XXYLT1: variants seen among roughly 807,000 people sequenced by gnomAD.
XXYLT1 encodes xyloside xylosyltransferase 1, also known as UDP-xylose:alpha-xyloside alpha-1,3-xylosyltransferase.
In XXYLT1, 20 loss-of-function variants were observed where a neutral mutation model predicts 28.9. That is an observed-to-expected ratio of 0.69 (90% confidence interval 0.49 to 1.00). XXYLT1 has a LOEUF of 1.00. Among genes scored for constraint, XXYLT1 ranks in the 50% least tolerant of loss-of-function variants. The pLI, the probability that XXYLT1 is intolerant of heterozygous loss-of-function variation, is 0.00. For synonymous variants in XXYLT1, 257 were observed against 253.8 expected (o/e 1.01, Z -0.12); for missense variants, 542 against 560.1 (o/e 0.97, Z 0.33).
At chr3:195,098,191 C>T (rs7631098) in intron 3 of XXYLT1, among the ~76,000 whole-genome samples, 78,879 of 152,002 alleles carry the variant, frequency 0.52, 22,086 homozygotes, top group East Asian at 0.96. Flanking sequence ...TGCACATATA[C>T]GAGAAACGGT....
At chr3:195,110,212 GC>G (rs1717467408) in intron 3 of XXYLT1, among the ~76,000 whole-genome samples, 4 of 7,460 alleles carry the variant, frequency 5.4e-4, no homozygotes, top group Admixed American at 2.1e-3. Context: ...TGTGGTGTGT[GC>G]GTGTGTGGTG....
At chr3:195,201,301 G>C (rs1423684832) in intron 2 of XXYLT1, among the ~76,000 whole-genome samples, 1 of 152,136 alleles carries the variant, frequency 6.6e-6, no homozygotes, top group Admixed American at 6.5e-5. Context: ...AAGGGCCCTT[G>C]CTCCCAGCAA....
intron 3 of XXYLT1, among the ~76,000 whole-genome samples, chr3:195,107,943 C>T (rs1717245055): frequency 6.6e-6 from 1 of 152,148 alleles, no homozygotes; most frequent in Non-Finnish European, 1.5e-5. Context: ...AGGAGGGTCC[C>T]TACACACAAC....
intron 2 of XXYLT1, among the ~76,000 whole-genome samples, chr3:195,181,326 G>A (rs957289374): frequency 2.6e-5 from 4 of 152,200 alleles, no homozygotes; most frequent in Non-Finnish European, 5.9e-5. Context: ...TTTGCCACCA[G>A]GCGTGCCTTT....
At chr3:195,154,673 T>C (rs1720466347) in intron 3 of XXYLT1, among the ~76,000 whole-genome samples, 1 of 152,088 alleles carries the variant, frequency 6.6e-6, no homozygotes, top group Non-Finnish European at 1.5e-5. Context: ...ACCACGCCAA[T>C]GTACAAAACC....
intron 1 of XXYLT1, among the ~76,000 whole-genome samples, chr3:195,231,615 CT>C: frequency 6.6e-6 from 1 of 152,174 alleles, no homozygotes; most frequent in South Asian, 2.1e-4. Context: ...TTATCAAATG[CT>C]TTTTCAGCAT....
rs1577108194 is a variant in XXYLT1, at chr3:195,173,808, C to G, written c.653-17227G>C. ...TGTCCAGGAGAGCACCCAGCTCCCA[C>G]CAGGGAGTCCCTCCTATGGGCCATG... On this transcript the variant is annotated intron_variant, in intron 2 of 3. Transcript: ENST00000310380. The surrounding 1 kb of genome is among the most constrained non-coding windows in gnomAD (Gnocchi z 4.3). 6.6e-6 allele frequency among the ~76,000 whole-genome samples: 1 copy of G among 152,230 alleles called. No individual in the cohort carries two copies. Among genetic ancestry groups the G allele is most frequent in the Non-Finnish European group, 1.5e-5 (1 of 68,030 alleles).
At chr3:195,081,930 C>T (rs773096180) in intron 3 of XXYLT1, among the ~76,000 whole-genome samples, 3 of 152,170 alleles carry the variant, frequency 2.0e-5, no homozygotes, top group East Asian at 1.9e-4. Flanking sequence ...ATGGACGAAT[C>T]GGCCAGAGGA....
intron 2 of XXYLT1, among the ~76,000 whole-genome samples, chr3:195,197,349 G>C (rs1429517923): frequency 6.6e-6 from 1 of 151,296 alleles, no homozygotes. Flanking sequence ...AGGCACAAGA[G>C]TCACTTGAAC....
intron 2 of XXYLT1, among the ~76,000 whole-genome samples, chr3:195,223,783 G>A (rs997237809): frequency 2.0e-5 from 3 of 152,108 alleles, no homozygotes; most frequent in East Asian, 1.9e-4. Flanking sequence ...CTCAAGGACC[G>A]CTCATTTTAT....
intron 3 of XXYLT1, among the ~76,000 whole-genome samples, chr3:195,102,142 C>T (rs1057403493): frequency 4.0e-5 from 6 of 151,830 alleles, no homozygotes; most frequent in African/African-American, 1.5e-4. Flanking sequence ...CTATGTTTTC[C>T]AACAGAATAG....
chr3:195,176,385 G>C lies in XXYLT1; in HGVS notation c.653-19804C>G, dbSNP rs9843957. Among the ~76,000 whole-genome samples the C allele has an allele frequency of 0.038, 5,724 of 152,184 alleles. 349 individuals are homozygous for C. Among genetic ancestry groups the C allele is most frequent in the African/African-American group, 0.13 (5,455 of 41,484 alleles). ...TGGGTAGAGGAGGGGTGTGTAGAATGCTTAAATCCCCTCCCAGTAATTCTG... is the reference window on the plus strand; with the variant it reads ...TGGGTAGAGGAGGGGTGTGTAGAATCCTTAAATCCCCTCCCAGTAATTCTG... On this transcript the variant is annotated intron_variant, in intron 2 of 3. Transcript: ENST00000310380. The surrounding 1 kb of genome is among the most constrained non-coding windows in gnomAD (Gnocchi z 4.9).
intron 3 of XXYLT1, among the ~76,000 whole-genome samples, chr3:195,101,522 T>C (rs56869746): frequency 0.028 from 4,267 of 152,336 alleles, 135 homozygotes; most frequent in East Asian, 0.19. Flanking sequence ...CCCAGGGACA[T>C]TCCTTTTGTA....
intron 3 of XXYLT1, among the ~76,000 whole-genome samples, chr3:195,153,233 C>CAGGTCCCCAG (rs796536969): frequency 6.6e-6 from 1 of 152,230 alleles, no homozygotes; most frequent in Admixed American, 6.5e-5. Flanking sequence ...CCGGATCTCC[C>CAGGTCCCCAG]AGGTCCCCAG....
At chr3:195,136,134 C>T (rs112002044) in intron 3 of XXYLT1, among the ~76,000 whole-genome samples, 6 of 152,106 alleles carry the variant, frequency 3.9e-5, no homozygotes, top group African/African-American at 1.2e-4. Flanking sequence ...GGAGGAAAAG[C>T]GATAACATCA....
chr3:195,106,967 C>T (rs1717130076), intron 3 of XXYLT1, among the ~76,000 whole-genome samples: 1 of 152,176 alleles, frequency 6.6e-6, no homozygotes, highest in Admixed American at 6.5e-5. Context: ...GACAGATAAA[C>T]GGCTCCCGGA....
intron 3 of XXYLT1, among the ~76,000 whole-genome samples, chr3:195,088,154 C>A (rs1020742911): frequency 4.6e-5 from 7 of 151,228 alleles, no homozygotes; most frequent in Admixed American, 2.0e-4. Context: ...ACAAAGCAGC[C>A]GGGAAGCTCG....
At chr3:195,196,082 G>A (rs889764217) in intron 2 of XXYLT1, among the ~76,000 whole-genome samples, 10 of 152,176 alleles carry the variant, frequency 6.6e-5, no homozygotes, top group South Asian at 2.1e-4. Context: ...GGACAGCGCC[G>A]TCCAGCAGAA....
rs557732206 is a variant in XXYLT1, at chr3:195,123,448, A to G, written c.785+33001T>C. Among the ~76,000 whole-genome samples, 3 of 152,282 alleles carry G rather than the reference A, an allele frequency of 2.0e-5. No individual in the cohort carries two copies. The East Asian group carries it at 5.8e-4, about 29-fold the overall frequency. On this transcript the variant is annotated intron_variant, in intron 3 of 3. Coordinates refer to ENST00000310380, the MANE Select transcript of XXYLT1 (RefSeq NM_152531.5). The stretch of plus-strand genomic sequence containing the variant: ...CTTTGGGGATTCTGGGAGAACACGG[A>G]GGTGCTACTGCCTGAGTCACTAACG...
Sources: allele counts gnomAD v4.1 joint callset (sites outside exome capture counted in the v4.1 genomes callset), GRCh38; gene constraint gnomAD v4.1.1; non-coding constraint Gnocchi (gnomAD v3.1); transcripts MANE v1.5; gene names NCBI Gene and HGNC (gene_info 2026-07-23, HGNC 2026-07-21).